MRPL11: variants seen among roughly 807,000 people sequenced by gnomAD.
MRPL11 encodes the protein large ribosomal subunit protein uL11m.
A neutral mutation model predicts 19.1 loss-of-function variants in MRPL11; 21 were observed. That is an observed-to-expected ratio of 1.10 (90% CI 0.78 to 1.58). MRPL11 has a LOEUF of 1.58. Among genes scored for constraint, MRPL11 ranks in the 40% most tolerant of loss-of-function variants. MRPL11 has a pLI of 0.00. For synonymous variants in MRPL11, 108 were observed against 99.7 expected (o/e 1.08, Z -0.49); for missense variants, 242 against 243.9 (o/e 0.99, Z 0.05).
chr11:66,436,781 G>T, intron 4 of MRPL11: 2 of 1,518,380 alleles, frequency 1.3e-6, no homozygotes, highest in Non-Finnish European at 1.8e-6. Context: ...AAAGTCCTTC[G>T]CACTGGTCCT....
At chr11:66,436,923 G>A in intron 4 of MRPL11, 181 bp downstream of exon 4, 1 of 1,608,436 alleles carries the variant, frequency 6.2e-7, no homozygotes, top group Non-Finnish European at 8.5e-7. Context: ...ATACATAACA[G>A]GTGCCCAATA....
Position 66,436,073 on chromosome 11 carries a change from T to C in MRPL11, c.513A>G (p.Arg171=), listed in dbSNP as rs766089151. The change falls in exon 5 of 5, where the codon CGA becomes CGG. Residue 171 remains arginine (R), a synonymous_variant. Transcript: ENST00000310999. ...SEELAAFQKE[R]AIFLAAQKEA... ...CCTTCTGAGCAGCCAGGAAGATGGC[T>C]CGTTCCTTCTGGAAAGCTGCAAGCT... The C allele has an allele frequency of 6.2e-7, 1 of 1,614,042 alleles. No individual in the cohort carries two copies. The highest frequency in any genetic ancestry group is 8.5e-7 in the Non-Finnish European group (1 of 1,179,978).
chr11:66,437,548 T>C (rs2134662022), intron 2 of MRPL11, 105 bp from the exon 3 acceptor site: 4 of 1,039,986 alleles, frequency 3.8e-6, no homozygotes, highest in Non-Finnish European at 5.7e-6. Context: ...TCCAATGGCA[T>C]CCCTCAAAAA....
Position 66,435,901 on chromosome 11 carries a change from T to G in MRPL11, c.*106A>C, listed in dbSNP as rs954400934. The G allele has an allele frequency of 3.0e-5, 24 of 792,014 alleles. No homozygotes were observed. In the African/African-American group the frequency reaches 3.3e-4, roughly 11 times the overall value. The allele number at this position is 792,014 out of a possible 1,614,324, so 49.1% of individuals were successfully genotyped here. On this transcript the variant is annotated 3_prime_UTR_variant, in exon 5 of 5. Transcript: ENST00000310999. Reference sequence around the variant, plus strand: ...AGCTAGATGTACAAAAATATATCATTCAAAGTCATGAAAACCATCATCATA... The same window carrying G: ...AGCTAGATGTACAAAAATATATCATGCAAAGTCATGAAAACCATCATCATA...
Position 66,438,712 on chromosome 11 carries a change from C to A in MRPL11, c.43G>T (p.Glu15Ter), listed in dbSNP as rs1355945317. 3 of 1,585,308 alleles carry A rather than the reference C, an allele frequency of 1.9e-6. No homozygotes were observed. The highest frequency in any genetic ancestry group is 8.6e-7 in the Non-Finnish European group (1 of 1,164,282). Residue 15 changes from glutamate (E) to a stop codon, truncating the protein, a stop_gained, in exon 1 of 5, where the codon GAG (glutamate) becomes TAG (stop). Coordinates refer to ENST00000310999, the MANE Select transcript of MRPL11 (RefSeq NM_016050.5). LOFTEE classifies it high-confidence loss of function. ...ATCGCCCGGATCACACCGCCGACCT[C>A]GGGCTTCCTGAGGCCCCGGGCGGCC... ...GRAARGLRKPEVGGVIRAIVR... is the reference protein window; with the variant it reads ...GRAARGLRKP
At position 66,438,014 on chromosome 11, in the gene MRPL11, G is replaced by GA. The variant is rs560225352; in HGVS notation, c.219+149dup. The GA allele has an allele frequency of 4.1e-5, 25 of 612,608 alleles. No homozygotes were observed. In the Admixed American group the frequency reaches 6.2e-4, roughly 15 times the overall value. The allele number at this position is 612,608 out of a possible 1,614,324, so 37.9% of individuals were successfully genotyped here. A position where few individuals can be genotyped will look rare whatever the true frequency, so the allele number is the denominator to read the frequency against. ...AACATGGCAAGATGGGGCTGGTTCA[G>GA]AAAAAATATGATCTAGTCCTAAATG... is the stretch of plus-strand genomic sequence containing the variant. On this transcript the variant is annotated intron_variant, in intron 2 of 4. Transcript: ENST00000310999.
Position 66,438,738 on chromosome 11 carries a change from C to G in MRPL11, c.17G>C (p.Arg6Pro). The change falls in exon 1 of 5, where the codon CGG becomes CCG. Residue 6 changes from arginine (R) to proline (P), a missense_variant. Arg to Pro is a moderately radical substitution (Grantham distance 103). Coordinates refer to ENST00000310999, the MANE Select transcript of MRPL11 (RefSeq NM_016050.5). MSKLG[R>P]AARGLRKPEV... Reference sequence around the variant, plus strand: ...GGGCTTCCTGAGGCCCCGGGCGGCCCGGCCGAGCTTTGACATGATGCGGGG... The same window carrying G: ...GGGCTTCCTGAGGCCCCGGGCGGCCGGGCCGAGCTTTGACATGATGCGGGG... 1.3e-6 allele frequency: 2 copies of G among 1,570,084 alleles called. No homozygotes were observed. Among genetic ancestry groups the G allele is most frequent in the East Asian group, 2.3e-5 (1 of 43,008 alleles).
rs570910693 is a variant in MRPL11 at position 66,435,726 on chromosome 11, T to A, written c.*281A>T. The A allele has an allele frequency of 3.5e-6, 1 of 288,334 alleles. No homozygotes were observed. Among genetic ancestry groups the A allele is most frequent in the East Asian group, 6.1e-5 (1 of 16,286 alleles). 17.9% of individuals were successfully genotyped at this position (288,334 alleles called of 1,614,324 possible). On this transcript the variant is annotated 3_prime_UTR_variant, in exon 5 of 5. Transcript: ENST00000310999. ...TACTTTGCTTGGCTGAACCTCAGTT[T>A]GCACATCTGAGAAGCAGTATGAAGA...
Position 66,437,244 on chromosome 11 carries a change from C to G in MRPL11, c.333G>C (p.Leu111=). The G allele has an allele frequency of 1.2e-6, 2 of 1,614,158 alleles. No individual in the cohort carries two copies. Residue 111 remains leucine (L), a synonymous_variant, in exon 4 of 5, where the codon CTG becomes CTC. Transcript: ENST00000310999. ...TCTCATACACATGCTTCAAGGTCAC[C>G]AGGCCTGCCACCTCTTTCCCTGGGA... ...ARQTGKEVAG[L]VTLKHVYEIA...
In MRPL11 at chr11:66,436,838, C is replaced by T. The variant is rs1442106055; in HGVS notation, c.473+266G>A. On this transcript the variant is annotated intron_variant, in intron 4 of 4. Transcript: ENST00000310999. ...TGCCTCTAGGACGACAGACCCAGGT[C>T]ACACTGAACTTCTCCCACTTGGATC... 6.8e-6 allele frequency: 11 copies of T among 1,613,912 alleles called. No homozygotes were observed. The Admixed American group carries it at 1.8e-4, about 27-fold the overall frequency.
intron 1 of MRPL11, 54 bp from the exon 2 acceptor site, chr11:66,438,313 G>T: frequency 1.4e-6 from 2 of 1,386,808 alleles, no homozygotes; most frequent in Non-Finnish European, 2.1e-6. Flanking sequence ...GCTTCCTATC[G>T]CCCAGGAGGC....
Position 66,437,151 on chromosome 11 carries a change from G to GCGGA in MRPL11, c.422_425dup (p.Ser143ProfsTer65). 6.2e-7 allele frequency: 1 copy of GCGGA among 1,614,220 alleles called. No homozygotes were observed. Among genetic ancestry groups the GCGGA allele is most frequent in the Non-Finnish European group, 8.5e-7 (1 of 1,180,050 alleles). ...GAGAACGGGCAGACCCGATGATGGA[G>GCGGA]CGGACAACAGACGACAGGGGTACAT... On this transcript the variant is annotated frameshift_variant, in exon 4 of 5. Coordinates refer to ENST00000310999, the MANE Select transcript of MRPL11 (RefSeq NM_016050.5). LOFTEE classifies it high-confidence loss of function.
intron 4 of MRPL11, 31 bp from the exon 5 acceptor site, chr11:66,436,143 C>T: frequency 6.3e-7 from 1 of 1,587,112 alleles, no homozygotes; most frequent in Non-Finnish European, 8.6e-7. Context: ...ATGGTTGGCG[C>T]ATGATTGGTC....
intron 4 of MRPL11, among the ~76,000 whole-genome samples, chr11:66,436,571 G>A (rs567085548): frequency 6.6e-6 from 1 of 152,050 alleles, no homozygotes; most frequent in Non-Finnish European, 1.5e-5. Flanking sequence ...ATAATCAATT[G>A]TCAGCCTTGA....
chr11:66,437,383 C>T lies in MRPL11; in HGVS notation c.280G>A (p.Ala94Thr). 1.2e-6 allele frequency: 2 copies of T among 1,614,200 alleles called. No individual in the cohort carries two copies. The highest frequency in any genetic ancestry group is 1.7e-6 in the Non-Finnish European group (2 of 1,180,038). Residue 94 changes from alanine (A) to threonine (T), a missense_variant, in exon 3 of 5, where the codon GCA becomes ACA. Coordinates refer to ENST00000310999, the MANE Select transcript of MRPL11 (RefSeq NM_016050.5). ...CGGGCCCCCTTTTCAATCCCAGCTG[C>T]TGCCTTCAGGAAGTAGGAAACAGTG... is the stretch of plus-strand genomic sequence containing the variant. ...QPTVSYFLKAAAGIEKGARQT... is the reference protein window; with the variant it reads ...QPTVSYFLKATAGIEKGARQT...
In MRPL11 at chr11:66,438,759, C is replaced by G. The variant is rs760532293; in HGVS notation, c.-5G>C. On this transcript the variant is annotated 5_prime_UTR_variant, in exon 1 of 5. Transcript: ENST00000310999. ...GGCCCGGCCGAGCTTTGACATGATGCGGGGCTGCTGGCTTCAGTTCACCTC... is the reference window on the plus strand; with the variant it reads ...GGCCCGGCCGAGCTTTGACATGATGGGGGGCTGCTGGCTTCAGTTCACCTC... The G allele has an allele frequency of 6.5e-7, 1 of 1,548,210 alleles. No individual in the cohort carries two copies. Among genetic ancestry groups the G allele is most frequent in the Admixed American group, 2.1e-5 (1 of 48,136 alleles).
chr11:66,435,764 AATG>A lies in MRPL11; in HGVS notation c.*240_*242del. 2.4e-6 allele frequency: 1 copy of A among 413,796 alleles called. No individual in the cohort carries two copies. Among genetic ancestry groups the A allele is most frequent in the East Asian group, 3.9e-5 (1 of 25,550 alleles). 25.6% of individuals were successfully genotyped at this position (413,796 alleles called of 1,614,324 possible). A position where few individuals can be genotyped will look rare whatever the true frequency, so the allele number is the denominator to read the frequency against. On this transcript the variant is annotated 3_prime_UTR_variant, in exon 5 of 5. Coordinates refer to ENST00000310999, the MANE Select transcript of MRPL11 (RefSeq NM_016050.5). ...AGCAGTATGAAGACCCCAATTTCCTAATGTCTGCCCATATTGGCTACCACCAGT... is the reference window on the plus strand; with the variant it reads ...AGCAGTATGAAGACCCCAATTTCCTATCTGCCCATATTGGCTACCACCAGT...
Position 66,438,150 on chromosome 11 carries a change from A to G in MRPL11, c.219+14T>C. 1.3e-6 allele frequency: 2 copies of G among 1,581,808 alleles called. No individual in the cohort carries two copies. The highest frequency in any genetic ancestry group is 1.7e-6 in the Non-Finnish European group (2 of 1,150,628). ...GAGGGAGAAGGAAACCAGGGATCAGAGTCCAGACTCCACCTTCACTAAAAT... is the reference window on the plus strand; with the variant it reads ...GAGGGAGAAGGAAACCAGGGATCAGGGTCCAGACTCCACCTTCACTAAAAT... On this transcript the variant is annotated intron_variant, in intron 2 of 4. Coordinates refer to ENST00000310999, the MANE Select transcript of MRPL11 (RefSeq NM_016050.5).
intron 1 of MRPL11, 104 bp downstream of exon 1, chr11:66,438,528 T>A (rs1857034680): frequency 2.1e-6 from 3 of 1,430,694 alleles, no homozygotes; most frequent in Non-Finnish European, 2.8e-6. Context: ...AGAGCCGAGC[T>A]CTGAACCGAG....
Sources: gnomAD v4.1 joint callset for allele counts (sites outside exome capture counted in the v4.1 genomes callset) on GRCh38, gnomAD v4.1.1 for gene constraint, MANE v1.5 for transcripts, NCBI Gene and HGNC (gene_info 2026-07-23, HGNC 2026-07-21) for gene names.